PROKR1: variants seen among roughly 807,000 people sequenced by gnomAD.
PROKR1 encodes the protein prokineticin receptor 1.
Under a neutral mutation model 22.8 loss-of-function variants are expected in PROKR1, and 21 were observed. The ratio of observed to expected loss-of-function variants is 0.92; its 90% CI spans 0.65 to 1.32. PROKR1 has a LOEUF of 1.32. Ranked by LOEUF, PROKR1 falls within the 40% of genes most tolerant of loss-of-function variation. The pLI, the probability that PROKR1 is intolerant of heterozygous loss-of-function variation, is 0.00. For synonymous variants in PROKR1, 193 were observed against 207.5 expected (o/e 0.93, Z 0.60); for missense variants, 548 against 514.2 (o/e 1.07, Z -0.64).
At chr2:68,647,632 AG>A (rs1468410068) in intron 2 of PROKR1, among the ~76,000 whole-genome samples, 1 of 152,160 alleles carries the variant, frequency 6.6e-6, no homozygotes, top group Non-Finnish European at 1.5e-5. Flanking sequence ...ACCTGAAAAA[AG>A]GGGGTTACCA....
intron 2 of PROKR1, 23 bp downstream of exon 2, chr2:68,646,329 C>A: frequency 6.2e-7 from 1 of 1,613,916 alleles, no homozygotes; most frequent in South Asian, 1.1e-5. Context: ...GCAGTGGGGA[C>A]AACAAAGGCG....
rs1458430165 is a variant in PROKR1 at position 68,657,374 on chromosome 2, A to G, written c.*1798A>G. 1 of 152,236 alleles carries G rather than the reference A, an allele frequency of 6.6e-6. No individual in the cohort carries two copies. Among genetic ancestry groups the G allele is most frequent in the Non-Finnish European group, 1.5e-5 (1 of 68,048 alleles). 9.4% of individuals were successfully genotyped at this position (152,236 alleles called of 1,614,324 possible). The stretch of plus-strand genomic sequence containing the variant: ...TGTGTAAATTATTCCTTTGTGCTTC[A>G]TAACAGTGCTGTATGCATTATGTGC... On this transcript the variant is annotated 3_prime_UTR_variant, in exon 3 of 3. Coordinates refer to ENST00000303786, the MANE Select transcript of PROKR1 (RefSeq NM_138964.4).
rs1174850888 is a variant in PROKR1 at position 68,654,908 on chromosome 2, C to A, written c.514C>A (p.Pro172Thr). 1 of 1,613,800 alleles carries A rather than the reference C, an allele frequency of 6.2e-7. No homozygotes were observed. The highest frequency in any genetic ancestry group is 1.1e-5 in the South Asian group (1 of 91,080). ...TCTGGCTATTGTCCATCCGCTGAGA[C>A]CACGGATGAAGTGCCAAACAGCCAC... is the stretch of plus-strand genomic sequence containing the variant. The part of the protein sequence containing the change: ...RYLAIVHPLR[P>T]RMKCQTATGL... The change falls in exon 3 of 3, where the codon CCA becomes ACA. Residue 172 changes from proline to threonine, a missense_variant. Transcript: ENST00000303786.
In PROKR1 at chr2:68,650,561, G is replaced by A. The variant is rs140152706; in HGVS notation, c.485+4255G>A. On this transcript the variant is annotated intron_variant, in intron 2 of 2. Coordinates refer to ENST00000303786, the MANE Select transcript of PROKR1 (RefSeq NM_138964.4). ...CTTTTTACATGTCTATTCACCCAGC[G>A]CTAGGCACTCAATGAGGGTGAAGTT... 9.9e-5 allele frequency among the ~76,000 whole-genome samples: 15 copies of A among 152,128 alleles called. No individual in the cohort carries two copies. In the East Asian group the frequency reaches 2.3e-3, roughly 24 times the overall value.
Position 68,653,611 on chromosome 2 carries a change from C to A in PROKR1, c.486-1269C>A, listed in dbSNP as rs76821624. On this transcript the variant is annotated intron_variant, in intron 2 of 2. Coordinates refer to ENST00000303786, the MANE Select transcript of PROKR1 (RefSeq NM_138964.4). ...AGACTGTGTTTGTTTCCACTGTTGA[C>A]CAGTCAATCCCCTCCCACTTCACTC... Among the ~76,000 whole-genome samples the A allele has an allele frequency of 2.9e-3, 441 of 152,222 alleles. 2 individuals are homozygous for A. The highest frequency in any genetic ancestry group is 0.01 in the African/African-American group (417 of 41,532).
At chr2:68,645,590 G>T in intron 1 of PROKR1, 72 bp from the exon 2 acceptor site, 1 of 605,500 alleles carries the variant, frequency 1.7e-6, no homozygotes, top group Admixed American at 2.8e-5. Flanking sequence ...GGTCTGCTTA[G>T]GTTACAGGGT....
At chr2:68,648,186 G>A (rs1269632346) in intron 2 of PROKR1, among the ~76,000 whole-genome samples, 1 of 152,124 alleles carries the variant, frequency 6.6e-6, no homozygotes, top group Non-Finnish European at 1.5e-5. Flanking sequence ...TTTACCACTT[G>A]AACGGAGTAA....
In PROKR1 at chr2:68,656,326, AG is replaced by A. The variant is rs1349434689; in HGVS notation, c.*751del. 6.5e-6 allele frequency: 1 copy of A among 152,932 alleles called. No homozygotes were observed. Among genetic ancestry groups the A allele is most frequent in the Non-Finnish European group, 1.5e-5 (1 of 68,638 alleles). The allele number at this position is 152,932 out of a possible 1,614,324, so 9.5% of individuals were successfully genotyped here. ...GAGGGGGAAGCCTGGATTCAGGGTA[AG>A]CATGTCCCCTGGCTCCATGGACTTT... On this transcript the variant is annotated 3_prime_UTR_variant, in exon 3 of 3. Transcript: ENST00000303786.
chr2:68,646,168 G>T lies in PROKR1; in HGVS notation c.347G>T (p.Cys116Phe). Residue 116 changes from cysteine (C) to phenylalanine (F), a missense_variant, in exon 2 of 3, where the codon TGC becomes TTC. Transcript: ENST00000303786. ...ISDFLVAIVC[C>F]PFEMDYYVVR... Reference sequence around the variant, plus strand: ...GACTTCCTGGTGGCCATTGTCTGCTGCCCCTTTGAGATGGACTACTATGTG... The same window carrying T: ...GACTTCCTGGTGGCCATTGTCTGCTTCCCCTTTGAGATGGACTACTATGTG... 1 of 1,607,580 alleles carries T rather than the reference G, an allele frequency of 6.2e-7. No homozygotes were observed. Among genetic ancestry groups the T allele is most frequent in the Non-Finnish European group, 8.5e-7 (1 of 1,175,948 alleles).
Position 68,645,801 on chromosome 2 carries a change from C to T in PROKR1, c.-21C>T, listed in dbSNP as rs1278474854. The T allele has an allele frequency of 1.2e-5, 20 of 1,614,152 alleles. No individual in the cohort carries two copies. The highest frequency in any genetic ancestry group is 1.7e-5 in the Non-Finnish European group (20 of 1,180,022). On this transcript the variant is annotated 5_prime_UTR_variant, in exon 2 of 3. Coordinates refer to ENST00000303786, the MANE Select transcript of PROKR1 (RefSeq NM_138964.4). ...CCCTGGGGAATTCTGAGCAGTGTTG[C>T]TCACAGCACCACCTGGCCAGATGGA...
At chr2:68,651,525 A>G (rs893932802) in intron 2 of PROKR1, among the ~76,000 whole-genome samples, 14 of 152,126 alleles carry the variant, frequency 9.2e-5, no homozygotes, top group African/African-American at 3.1e-4. Context: ...CTGGCCAGAA[A>G]AGTACCTGTG....
Position 68,655,398 on chromosome 2 carries a change from G to A in PROKR1, c.1004G>A (p.Ser335Asn), listed in dbSNP as rs1673429406. 6.2e-7 allele frequency: 1 copy of A among 1,614,166 alleles called. No homozygotes were observed. Among genetic ancestry groups the A allele is most frequent in the Non-Finnish European group, 8.5e-7 (1 of 1,179,978 alleles). Reference sequence around the variant, plus strand: ...GTCGAGTGCATCGCCATGAGCAACAGCATGATCAACACTCTGTGCTTCGTG... The same window carrying A: ...GTCGAGTGCATCGCCATGAGCAACAACATGATCAACACTCTGTGCTTCGTG... ...YIVECIAMSN[S>N]MINTLCFVTV... Residue 335 changes from serine (S) to asparagine (N), a missense_variant, in exon 3 of 3, where the codon AGC becomes AAC. Ser to Asn is a conservative substitution (Grantham distance 46). Transcript: ENST00000303786.
intron 2 of PROKR1, among the ~76,000 whole-genome samples, chr2:68,651,834 T>C (rs1673338169): frequency 6.6e-6 from 1 of 152,248 alleles, no homozygotes; most frequent in South Asian, 2.1e-4. Context: ...TTATTCCTTG[T>C]TCTCTGGGAA....
intron 2 of PROKR1, among the ~76,000 whole-genome samples, chr2:68,651,937 C>T (rs561655797): frequency 6.6e-6 from 1 of 152,268 alleles, no homozygotes; most frequent in African/African-American, 2.4e-5. Flanking sequence ...GAAAAGCAGC[C>T]GCCAGATGTC....
Position 68,656,221 on chromosome 2 carries a change from G to C in PROKR1, c.*645G>C, listed in dbSNP as rs1444559965. The C allele has an allele frequency of 6.3e-6, 1 of 158,110 alleles. No individual in the cohort carries two copies. Among genetic ancestry groups the C allele is most frequent in the African/African-American group, 2.4e-5 (1 of 41,480 alleles). 9.8% of individuals were successfully genotyped at this position (158,110 alleles called of 1,614,324 possible). A position where few individuals can be genotyped will look rare whatever the true frequency, so the allele number is the denominator to read the frequency against. ...GTAAGGCTCTTCATCAGAAGGACTG[G>C]CTTGGCGAAGAAGACACATAGACCC... On this transcript the variant is annotated 3_prime_UTR_variant, in exon 3 of 3. Transcript: ENST00000303786.
At chr2:68,649,097 C>A (rs1411138659) in intron 2 of PROKR1, among the ~76,000 whole-genome samples, 1 of 152,050 alleles carries the variant, frequency 6.6e-6, no homozygotes, top group East Asian at 1.9e-4. Context: ...GACACACTAA[C>A]CTTTTTGCTT....
At position 68,657,131 on chromosome 2, in the gene PROKR1, C is replaced by T. The variant is rs905683541; in HGVS notation, c.*1555C>T. 1.3e-5 allele frequency: 2 copies of T among 152,170 alleles called. No individual in the cohort carries two copies. The highest frequency in any genetic ancestry group is 4.8e-5 in the African/African-American group (2 of 41,442). 9.4% of individuals were successfully genotyped at this position (152,170 alleles called of 1,614,324 possible). ...AGCCTCTCCGAGGGGACAAAGGTAA[C>T]ACCTTTGTCCTTCTGTGGTACCTTC... On this transcript the variant is annotated 3_prime_UTR_variant, in exon 3 of 3. Coordinates refer to ENST00000303786, the MANE Select transcript of PROKR1 (RefSeq NM_138964.4).
At position 68,645,791 on chromosome 2, in the gene PROKR1, AGCAG is replaced by A. The variant is rs762115560; in HGVS notation, c.-30_-27del. The A allele has an allele frequency of 6.2e-7, 1 of 1,614,156 alleles. No individual in the cohort carries two copies. The highest frequency in any genetic ancestry group is 1.3e-5 in the African/African-American group (1 of 75,044). The stretch of plus-strand genomic sequence containing the variant: ...GCAGACATTGCCCTGGGGAATTCTG[AGCAG>A]TGTTGCTCACAGCACCACCTGGCCA... On this transcript the variant is annotated 5_prime_UTR_variant, in exon 2 of 3. It adds an upstream start codon to the 5' untranslated region. Transcript: ENST00000303786.
chr2:68,649,785 G>T (rs899481237), intron 2 of PROKR1, among the ~76,000 whole-genome samples: 1 of 152,072 alleles, frequency 6.6e-6, no homozygotes, highest in African/African-American at 2.4e-5. Flanking sequence ...TGGGAAGACA[G>T]GGAGCAAGCA....
Sources: gnomAD v4.1 joint callset for allele counts (sites outside exome capture counted in the v4.1 genomes callset) on GRCh38, gnomAD v4.1.1 for gene constraint, MANE v1.5 for transcripts, NCBI Gene and HGNC (gene_info 2026-07-23, HGNC 2026-07-21) for gene names.